PRKCB: variants seen among roughly 807,000 people sequenced by gnomAD.
PRKCB encodes the protein protein kinase C beta.
PRKCB carries 13 observed loss-of-function variants against 81.5 expected under a neutral mutation model. That is an observed-to-expected ratio of 0.16 (90% CI 0.10 to 0.25). PRKCB has a LOEUF of 0.25. Ranked by LOEUF, PRKCB falls within the 10% of genes least tolerant of loss-of-function variation. The probability of loss-of-function intolerance (pLI) is 1.00; values close to 1 mark genes in which losing one functional copy is unlikely to be tolerated. For synonymous variants in PRKCB, 335 were observed against 321.4 expected, an observed-to-expected ratio of 1.04 and a Z score of -0.45; for missense variants, 509 against 875.7, an observed-to-expected ratio of 0.58 and a Z score of 5.29.
At position 24,217,667 on chromosome 16, in the gene PRKCB, G is replaced by A. The variant is rs574489646; in HGVS notation, c.*2851G>A. The stretch of plus-strand genomic sequence containing the variant: ...ATTAGCCATCACCAGCACAACAAAC[G>A]GGGCAGGGCTTTCCAAGGTGGGGCT... On this transcript the variant is annotated 3_prime_UTR_variant, in exon 17 of 17. Transcript: ENST00000643927. 4.2e-5 allele frequency: 41 copies of A among 985,464 alleles called. No individual in the cohort carries two copies. Among genetic ancestry groups the A allele is most frequent in the African/African-American group, 7.0e-5 (4 of 57,350 alleles). The allele number at this position is 985,464 out of a possible 1,614,324, so 61.0% of individuals were successfully genotyped here. A position where few individuals can be genotyped will look rare whatever the true frequency, so the allele number is the denominator to read the frequency against.
intron 2 of PRKCB, among the ~76,000 whole-genome samples, chr16:23,981,291 T>G (rs1409572616): frequency 1.3e-5 from 2 of 151,992 alleles, no homozygotes; most frequent in Non-Finnish European, 2.9e-5. Context: ...CAACCTCTGC[T>G]TCCATCATCA....
At chr16:24,061,746 A>T (rs1965974951) in intron 5 of PRKCB, among the ~76,000 whole-genome samples, 1 of 152,218 alleles carries the variant, frequency 6.6e-6, no homozygotes, top group South Asian at 2.1e-4. Context: ...AGAAGCCCAT[A>T]AAAATAAATA....
chr16:23,846,171 G>A (rs1053656152), intron 2 of PRKCB, among the ~76,000 whole-genome samples: 12 of 152,186 alleles, frequency 7.9e-5, no homozygotes, highest in African/African-American at 2.7e-4. Flanking sequence ...TGTCAAGTCT[G>A]TCTTTCTGAT....
intron 7 of PRKCB, among the ~76,000 whole-genome samples, chr16:24,107,388 G>C (rs1353074017): frequency 2.0e-5 from 3 of 152,168 alleles, no homozygotes; most frequent in Non-Finnish European, 4.4e-5. Flanking sequence ...AGACATTTCT[G>C]TGTCCTTGTT....
chr16:24,021,085 T>TTTTTTCTTTCTTTCTTTCCTTCTCTC (rs1965374641), intron 3 of PRKCB, among the ~76,000 whole-genome samples: 1 of 130,136 alleles, frequency 7.7e-6, no homozygotes, highest in African/African-American at 3.1e-5. Context: ...CTTTCTTTCT[T>TTTTTTCTTTCTTTCTTTCCTTCTCTC]TCTTTTTTTC....
chr16:24,206,455 G>T (rs890197022), intron 16 of PRKCB, among the ~76,000 whole-genome samples: 2 of 152,164 alleles, frequency 1.3e-5, no homozygotes, highest in East Asian at 3.8e-4. Context: ...TGGAGGCTGG[G>T]CAGGTAGCTC....
At chr16:23,875,697 A>G (rs1267797860) in intron 2 of PRKCB, among the ~76,000 whole-genome samples, 1 of 145,358 alleles carries the variant, frequency 6.9e-6, no homozygotes, top group Non-Finnish European at 1.5e-5. Context: ...ATATGTATGT[A>G]TATCACACAT....
intron 3 of PRKCB, among the ~76,000 whole-genome samples, chr16:23,991,914 T>C (rs1211006450): frequency 4.6e-5 from 7 of 152,252 alleles, no homozygotes; most frequent in Non-Finnish European, 1.5e-5. Context: ...GTGGTGTGAA[T>C]GTTTTGTTTC....
intron 5 of PRKCB, among the ~76,000 whole-genome samples, chr16:24,076,104 T>C (rs1966174037): frequency 6.6e-6 from 1 of 152,156 alleles, no homozygotes. Context: ...TTCTAATGAG[T>C]TCCCAGGTGA....
chr16:23,990,469 A>G (rs1428743317), intron 3 of PRKCB, among the ~76,000 whole-genome samples: 3 of 151,494 alleles, frequency 2.0e-5, no homozygotes, highest in African/African-American at 4.9e-5. Flanking sequence ...AAAAAAAAGA[A>G]AAAAAAGAAG....
At chr16:24,129,541 A>G (rs1966850102) in intron 9 of PRKCB, among the ~76,000 whole-genome samples, 2 of 151,752 alleles carry the variant, frequency 1.3e-5, no homozygotes, top group African/African-American at 4.8e-5. Flanking sequence ...CTATCTATCT[A>G]TCTATCCATC....
At chr16:23,987,535 C>T (rs1964818173) in intron 2 of PRKCB, among the ~76,000 whole-genome samples, 1 of 152,068 alleles carries the variant, frequency 6.6e-6, no homozygotes, top group African/African-American at 2.4e-5. Context: ...GACAAGTGTA[C>T]TTCATAGGTA....
At chr16:23,966,261 G>A (rs924445168) in intron 2 of PRKCB, among the ~76,000 whole-genome samples, 2 of 152,188 alleles carry the variant, frequency 1.3e-5, no homozygotes, top group Non-Finnish European at 2.9e-5. Flanking sequence ...TGGAGCCCTG[G>A]AGACTTTATT....
intron 16 of PRKCB, among the ~76,000 whole-genome samples, chr16:24,213,669 A>G (rs1374288408): frequency 6.6e-6 from 1 of 152,246 alleles, no homozygotes; most frequent in Non-Finnish European, 1.5e-5. Flanking sequence ...TACTGTGTTG[A>G]AAACACATAG....
intron 8 of PRKCB, among the ~76,000 whole-genome samples, chr16:24,117,232 G>A (rs1238249072): frequency 6.6e-6 from 1 of 152,182 alleles, no homozygotes; most frequent in Non-Finnish European, 1.5e-5. Context: ...GAGGAATTCT[G>A]AGTGACAGTA....
intron 2 of PRKCB, among the ~76,000 whole-genome samples, chr16:23,942,621 T>A (rs1222439870): frequency 1.3e-5 from 2 of 152,242 alleles, no homozygotes; most frequent in Non-Finnish European, 2.9e-5. Context: ...TTGCCTTGCC[T>A]ACATACTGAG....
chr16:23,928,738 G>A (rs1963931732), intron 2 of PRKCB, among the ~76,000 whole-genome samples: 1 of 151,692 alleles, frequency 6.6e-6, no homozygotes, highest in African/African-American at 2.4e-5. Context: ...TTTGTTTTGA[G>A]ATGGGGCCTT....
chr16:23,993,002 C>G (rs1174932939), intron 3 of PRKCB, among the ~76,000 whole-genome samples: 2 of 152,128 alleles, frequency 1.3e-5, no homozygotes, highest in Non-Finnish European at 2.9e-5. Flanking sequence ...ACTAACCCTG[C>G]ATTGCCCTAA....
intron 2 of PRKCB, among the ~76,000 whole-genome samples, chr16:23,939,241 T>C (rs952550253): frequency 6.6e-6 from 1 of 152,150 alleles, no homozygotes; most frequent in African/African-American, 2.4e-5. Flanking sequence ...AAAGAATATC[T>C]ACATAAATGA....
Sources: allele counts gnomAD v4.1 joint callset (sites outside exome capture counted in the v4.1 genomes callset), GRCh38; gene constraint gnomAD v4.1.1; transcripts MANE v1.5; gene names NCBI Gene and HGNC (gene_info 2026-07-23, HGNC 2026-07-21).